MYO1H: variants seen among roughly 807,000 people sequenced by gnomAD.
MYO1H encodes myosin IH.
A neutral mutation model predicts 149.3 loss-of-function variants in MYO1H; 118 were observed. The observed-to-expected ratio is 0.79, with a 90% CI of 0.68 to 0.92. MYO1H has a LOEUF of 0.92. MYO1H is among the 40% of genes least tolerant of loss of function. MYO1H has a pLI of 0.00. For synonymous variants in MYO1H, 447 were observed against 465.2 expected, an observed-to-expected ratio of 0.96 and a Z score of 0.50; for missense variants, 1,212 against 1,280.7, an observed-to-expected ratio of 0.95 and a Z score of 0.82.
intron 1 of MYO1H, among the ~76,000 whole-genome samples, chr12:109,368,640 T>TAAAAAAAAAAAA (rs56146617): frequency 1.8e-5 from 2 of 113,198 alleles, no homozygotes; most frequent in South Asian, 3.2e-4. Flanking sequence ...GACTCCATCT[T>TAAAAAAAAAAAA]AAAAAAAAAA....
At chr12:109,428,691 T>G (rs769223804) in intron 19 of MYO1H, among the ~76,000 whole-genome samples, 4 of 152,218 alleles carry the variant, frequency 2.6e-5, no homozygotes, top group Non-Finnish European at 4.4e-5. Context: ...TTTTCCTGGA[T>G]GTACCTCCTT....
At chr12:109,346,654 C>T (rs914072732), upstream of MYO1H, among the ~76,000 whole-genome samples, 2 of 151,746 alleles carry the variant, frequency 1.3e-5, no homozygotes, top group Non-Finnish European at 2.9e-5. Flanking sequence ...CCCAGCTACT[C>T]AGGAGGCTGA....
intron 31 of MYO1H, 163 bp downstream of exon 31, chr12:109,445,775 A>G: frequency 1.0e-6 from 1 of 984,714 alleles, no homozygotes; most frequent in Non-Finnish European, 1.2e-6. Flanking sequence ...GAAGAAACTG[A>G]TATAGAGATA....
At chr12:109,427,540 C>G (rs372392333) in exon 19 of MYO1H, 2 of 1,612,872 alleles carry the variant, frequency 1.2e-6, no homozygotes, top group Non-Finnish European at 1.7e-6. Flanking sequence ...GCGGGTGAGA[C>G]GGGCTGGTTT....
At chr12:109,420,914 G>A (rs533115863) in intron 15 of MYO1H, 67 bp from the exon 16 acceptor site, 2 of 844,432 alleles carry the variant, frequency 2.4e-6, no homozygotes, top group Non-Finnish European at 4.0e-6. Context: ...TTTGCAATGA[G>A]TTGGGATGGA....
intron 1 of MYO1H, among the ~76,000 whole-genome samples, chr12:109,386,237 C>A (rs890794970): frequency 3.3e-5 from 5 of 152,210 alleles, no homozygotes; most frequent in Admixed American, 2.6e-4. Flanking sequence ...AGATGGGCCA[C>A]AGCCATTCTC....
At chr12:109,414,818 C>T (rs1249120026) in intron 14 of MYO1H, among the ~76,000 whole-genome samples, 2 of 152,064 alleles carry the variant, frequency 1.3e-5, no homozygotes, top group African/African-American at 4.8e-5. Flanking sequence ...AGCAATCCTC[C>T]CACCTCGGCC....
the MYO1H span, among the ~76,000 whole-genome samples, chr12:109,321,518 T>C: frequency 6.6e-6 from 1 of 150,776 alleles, no homozygotes; most frequent in Non-Finnish European, 1.5e-5. Flanking sequence ...GTGCCACTGC[T>C]CTCCAGCCTG....
intron 13 of MYO1H, among the ~76,000 whole-genome samples, chr12:109,411,050 G>A (rs576900990): frequency 1.3e-5 from 2 of 152,298 alleles, no homozygotes; most frequent in South Asian, 4.2e-4. Flanking sequence ...GCTGAAACAG[G>A]AGAATTGCTT....
At chr12:109,353,214 G>A (rs1173303358) in intron 1 of MYO1H, among the ~76,000 whole-genome samples, 7 of 151,768 alleles carry the variant, frequency 4.6e-5, no homozygotes, top group Non-Finnish European at 8.8e-5. Context: ...TGGCCAACAC[G>A]GTGAAACTCC....
rs537604576 is a variant in MYO1H at position 109,394,773 on chromosome 12, A to G, written c.290+1327A>G. Among the ~76,000 whole-genome samples, 4 of 152,032 alleles carry G rather than the reference A, an allele frequency of 2.6e-5. No homozygotes were observed. The East Asian group carries it at 7.7e-4, about 29-fold the overall frequency. ...AAGCCTTTCTGCATCACCACCATAT[A>G]TATGTTGAGACAGGGTCTCGCTTTG... is the stretch of plus-strand genomic sequence containing the variant. On this transcript the variant is annotated intron_variant, in intron 3 of 31. Coordinates refer to ENST00000310903, the Ensembl canonical transcript of MYO1H.
intron 1 of MYO1H, among the ~76,000 whole-genome samples, chr12:109,377,577 A>G (rs1293820631): frequency 6.6e-6 from 1 of 152,210 alleles, no homozygotes; most frequent in African/African-American, 2.4e-5. Context: ...CTTGGTGGAA[A>G]CAAACCATAC....
the MYO1H span, among the ~76,000 whole-genome samples, chr12:109,339,578 G>A: frequency 6.6e-6 from 1 of 152,152 alleles, no homozygotes; most frequent in African/African-American, 2.4e-5. Flanking sequence ...AACAAACTGA[G>A]ATGATTATTT....
intron 1 of MYO1H, among the ~76,000 whole-genome samples, chr12:109,352,511 T>C (rs1044817207): frequency 6.6e-6 from 1 of 152,236 alleles, no homozygotes; most frequent in Non-Finnish European, 1.5e-5. Context: ...AGAATCCTTA[T>C]TACATACACT....
At chr12:109,326,704 G>C in the MYO1H span, among the ~76,000 whole-genome samples, 1 of 151,854 alleles carries the variant, frequency 6.6e-6, no homozygotes, top group Non-Finnish European at 1.5e-5. Context: ...ATTTTTAGTA[G>C]ACATGGGGTT....
In MYO1H at chr12:109,444,597, T is replaced by G. The variant is rs866641016; in HGVS notation, c.2993+68T>G. 6 of 1,250,586 alleles carry G rather than the reference T, an allele frequency of 4.8e-6. No homozygotes were observed. In the Middle Eastern group the frequency reaches 7.4e-4, roughly 155 times the overall value. The allele number at this position is 1,250,586 out of a possible 1,614,324, so 77.5% of individuals were successfully genotyped here. On this transcript the variant is annotated intron_variant, in intron 30 of 31. Coordinates refer to ENST00000310903, the Ensembl canonical transcript of MYO1H. ...AAATGTTTATTAAGGCCGAGCGTGGTGGCTCATGCCTATAATCCCAGCACT... is the reference window on the plus strand; with the variant it reads ...AAATGTTTATTAAGGCCGAGCGTGGGGGCTCATGCCTATAATCCCAGCACT...
chr12:109,444,334 A>G, intron 29 of MYO1H, 51 bp downstream of exon 29: 2 of 1,586,626 alleles, frequency 1.3e-6, no homozygotes, highest in South Asian at 2.2e-5. Context: ...ATACACTGCC[A>G]AAATGTTAAG....
intron 1 of MYO1H, among the ~76,000 whole-genome samples, chr12:109,370,795 T>C (rs1868965426): frequency 6.6e-6 from 1 of 152,208 alleles, no homozygotes; most frequent in Non-Finnish European, 1.5e-5. Flanking sequence ...TTGACAAATC[T>C]GCTGAGCACC....
chr12:109,338,223 T>A, the MYO1H span, among the ~76,000 whole-genome samples: 1 of 152,182 alleles, frequency 6.6e-6, no homozygotes, highest in African/African-American at 2.4e-5. Flanking sequence ...TGTGAGCCAC[T>A]GCACTCAGCC....
Sources: gnomAD v4.1 joint callset for allele counts (sites outside exome capture counted in the v4.1 genomes callset) on GRCh38, gnomAD v4.1.1 for gene constraint, MANE v1.5 for transcripts, NCBI Gene and HGNC (gene_info 2026-07-23, HGNC 2026-07-21) for gene names.